Variants in RAD51AP1 observed in about 807,000 individuals in gnomAD.
The protein encoded by RAD51AP1 is RAD51-associated protein 1.
A neutral mutation model predicts 34.3 loss-of-function variants in RAD51AP1; 14 were observed. The ratio of observed to expected loss-of-function variants is 0.41; its 90% CI spans 0.27 to 0.64. The LOEUF is 0.64. Ranked by LOEUF, RAD51AP1 falls within the 30% of genes least tolerant of loss-of-function variation. RAD51AP1 has a pLI of 0.33. For synonymous variants in RAD51AP1, 114 were observed against 129.8 expected (o/e 0.88, Z 0.83); for missense variants, 348 against 386.9 (o/e 0.90, Z 0.84).
At chr12:4,556,806 T>G (rs887108825) in intron 8 of RAD51AP1, among the ~76,000 whole-genome samples, 1 of 152,208 alleles carries the variant, frequency 6.6e-6, no homozygotes, top group Non-Finnish European at 1.5e-5. Context: ...AAAATTACAG[T>G]GTTAAAGGGT....
chr12:4,540,593 T>C (rs1944459634), intron 1 of RAD51AP1, among the ~76,000 whole-genome samples: 1 of 152,282 alleles, frequency 6.6e-6, no homozygotes, highest in Admixed American at 6.5e-5. Flanking sequence ...AGAATATGCT[T>C]GATGAAGTAG....
In RAD51AP1 at chr12:4,543,700, T is replaced by C. The variant is rs976170517; in HGVS notation, c.68-63T>C. On this transcript the variant is annotated intron_variant, in intron 2 of 8. Transcript: ENST00000352618. ...CCTATAAAAACTTGAACACACATGG[T>C]AATGATTTTCATTTATGAAGAAAAT... The C allele has an allele frequency of 5.3e-5, 64 of 1,215,904 alleles. No individual in the cohort carries two copies. The African/African-American group carries it at 9.6e-4, about 18-fold the overall frequency. 75.3% of individuals were successfully genotyped at this position (1,215,904 alleles called of 1,614,324 possible).
intron 3 of RAD51AP1, chr12:4,545,171 T>A: frequency 2.2e-6 from 1 of 445,496 alleles, no homozygotes; most frequent in South Asian, 1.6e-5. Context: ...TATCTGCTAA[T>A]GAATGGATAA....
chr12:4,558,755 G>T, intron 8 of RAD51AP1, 102 bp from the exon 9 acceptor site: 1 of 1,392,306 alleles, frequency 7.2e-7, no homozygotes, highest in Non-Finnish European at 9.8e-7. Flanking sequence ...CTGGAAAGCA[G>T]AATAATGCTT....
At chr12:4,543,620 T>G in intron 2 of RAD51AP1, 143 bp from the exon 3 acceptor site, 1 of 558,740 alleles carries the variant, frequency 1.8e-6, no homozygotes, top group Non-Finnish European at 3.0e-6. Context: ...AGAGTAAAGA[T>G]AAACAAAATA....
rs1944603153 is a variant in RAD51AP1 at position 4,559,073 on chromosome 12, A to G, written c.*80A>G. 2.0e-6 allele frequency: 3 copies of G among 1,518,828 alleles called. No individual in the cohort carries two copies. 94.1% of individuals were successfully genotyped at this position (1,518,828 alleles called of 1,614,324 possible). On this transcript the variant is annotated 3_prime_UTR_variant, in exon 9 of 9. Coordinates refer to ENST00000352618, the MANE Select transcript of RAD51AP1 (RefSeq NM_006479.5). The stretch of plus-strand genomic sequence containing the variant: ...TATATTTGATTTGTGTTTATATTTG[A>G]GGCAGGTATTGTAATATAAAGGAAT...
intron 6 of RAD51AP1, among the ~76,000 whole-genome samples, chr12:4,551,127 C>T (rs1344880347): frequency 6.6e-6 from 1 of 151,928 alleles, no homozygotes; most frequent in African/African-American, 2.4e-5. Context: ...CTTGCCGTCC[C>T]TCCTCCCCCC....
intron 1 of RAD51AP1, 51 bp downstream of exon 1, chr12:4,539,007 G>T (rs1397412794): frequency 6.3e-7 from 1 of 1,590,956 alleles, no homozygotes; most frequent in South Asian, 1.1e-5. Context: ...TAAGGGAAAA[G>T]ACATGAGACT....
Position 4,559,200 on chromosome 12 carries a change from T to C in RAD51AP1, c.*207T>C. 1.9e-6 allele frequency: 1 copy of C among 521,970 alleles called. No homozygotes were observed. The allele number at this position is 521,970 out of a possible 1,614,324, so 32.3% of individuals were successfully genotyped here. A position where few individuals can be genotyped will look rare whatever the true frequency, so the allele number is the denominator to read the frequency against. On this transcript the variant is annotated 3_prime_UTR_variant, in exon 9 of 9. Transcript: ENST00000352618. ...AGAAGTTTGTTTATAAGAATTATCT[T>C]CTCATACCTTTCCTTGTGAAGAGCG...
Position 4,559,692 on chromosome 12 carries a change from G to A in RAD51AP1, c.*699G>A, listed in dbSNP as rs758491949. On this transcript the variant is annotated 3_prime_UTR_variant, in exon 9 of 9. Coordinates refer to ENST00000352618, the MANE Select transcript of RAD51AP1 (RefSeq NM_006479.5). ...GTCCACATTTCATGATAAAATGAGA[G>A]CTCCGCAGAGAATGTTAGCCTTTCT... The A allele has an allele frequency of 1.3e-5, 2 of 152,168 alleles. No individual in the cohort carries two copies. The highest frequency in any genetic ancestry group is 4.1e-4 in the South Asian group (2 of 4,826). 9.4% of individuals were successfully genotyped at this position (152,168 alleles called of 1,614,324 possible).
At position 4,559,142 on chromosome 12, in the gene RAD51AP1, A is replaced by G; in HGVS notation, c.*149A>G. On this transcript the variant is annotated 3_prime_UTR_variant, in exon 9 of 9. Coordinates refer to ENST00000352618, the MANE Select transcript of RAD51AP1 (RefSeq NM_006479.5). ...AATGACCTCTAGCCATTTTATGATT[A>G]TGTTCTCTGTAAAACTCTTCAAGAC... 2.1e-6 allele frequency: 2 copies of G among 935,834 alleles called. No homozygotes were observed. Among genetic ancestry groups the G allele is most frequent in the South Asian group, 1.8e-5 (1 of 55,670 alleles). The allele number at this position is 935,834 out of a possible 1,614,324, so 58.0% of individuals were successfully genotyped here.
chr12:4,549,236 T>A (rs1378941921), intron 6 of RAD51AP1, among the ~76,000 whole-genome samples: 2 of 152,142 alleles, frequency 1.3e-5, no homozygotes, highest in Non-Finnish European at 2.9e-5. Flanking sequence ...TTTTTTTTCC[T>A]GGAGGTAGTA....
At chr12:4,539,733 A>G (rs1284921917) in intron 1 of RAD51AP1, among the ~76,000 whole-genome samples, 1 of 152,234 alleles carries the variant, frequency 6.6e-6, no homozygotes, top group East Asian at 1.9e-4. Flanking sequence ...TTTTAGGGAC[A>G]GTCTAATGCT....
chr12:4,551,312 A>G (rs917588681), intron 6 of RAD51AP1, among the ~76,000 whole-genome samples: 1 of 151,650 alleles, frequency 6.6e-6, no homozygotes, highest in Admixed American at 6.6e-5. Flanking sequence ...CCTGGCCAAC[A>G]TGGTGAAACC....
intron 7 of RAD51AP1, among the ~76,000 whole-genome samples, chr12:4,553,903 T>C (rs1591775006): frequency 6.6e-6 from 1 of 152,216 alleles, no homozygotes; most frequent in Admixed American, 6.5e-5. Context: ...TTATTTAGTC[T>C]TTCCATTTAT....
chr12:4,556,360 G>A lies in RAD51AP1; in HGVS notation c.729G>A (p.Ser243=), dbSNP rs150204161. ...SKSKCNALVT[S]VDSAPAAVKS... ...GTATATTTTTCAAATAAGTGACTTC[G>A]GTGGACTCTGCTCCAGCTGCCGTCA... Residue 243 remains serine, a synonymous_variant, in exon 8 of 9, where the codon TCG becomes TCA. Transcript: ENST00000352618. 58 of 1,611,922 alleles carry A rather than the reference G, an allele frequency of 3.6e-5. No homozygotes were observed. The African/African-American group carries it at 4.9e-4, about 14-fold the overall frequency.
chr12:4,547,967 G>T (rs1944518050), intron 4 of RAD51AP1, 125 bp from the exon 5 acceptor site: 1 of 959,630 alleles, frequency 1.0e-6, no homozygotes, highest in South Asian at 2.0e-5. Context: ...TAAAATTATT[G>T]TGCCAGTTGG....
At chr12:4,544,903 G>A (rs956053804) in intron 3 of RAD51AP1, among the ~76,000 whole-genome samples, 10 of 152,100 alleles carry the variant, frequency 6.6e-5, no homozygotes, top group African/African-American at 2.4e-4. Flanking sequence ...ACACCCACTA[G>A]ATGACTTAAT....
In RAD51AP1 at chr12:4,546,711, AT is replaced by A. The variant is rs567909221; in HGVS notation, c.319+294del. 6.2e-3 allele frequency among the ~76,000 whole-genome samples: 950 copies of A among 152,302 alleles called. 3 individuals carry two copies. Among genetic ancestry groups the A allele is most frequent in the Middle Eastern group, 0.014 (4 of 294 alleles). ...AGTGAACATTTAATTTCTTCATCAA[AT>A]GATTTGATCTGTACAGTCCTAACAA... On this transcript the variant is annotated intron_variant, in intron 4 of 8. Transcript: ENST00000352618.
Sources: gnomAD v4.1 joint callset for allele counts (sites outside exome capture counted in the v4.1 genomes callset) on GRCh38, gnomAD v4.1.1 for gene constraint, MANE v1.5 for transcripts, NCBI Gene and HGNC (gene_info 2026-07-23, HGNC 2026-07-21) for gene names.